The following ABCC8 variants were observed in gnomAD, a reference collection of about 807,000 sequenced individuals.
ABCC8 encodes the protein ATP binding cassette subfamily C member 8.
In ABCC8, 137 loss-of-function variants were observed where a neutral mutation model predicts 188.0. The observed-to-expected ratio is 0.73, with a 90% CI of 0.63 to 0.84. The LOEUF (loss-of-function observed/expected upper bound fraction) is 0.84, where lower values mean the gene tolerates loss of function less well. Among genes scored for constraint, ABCC8 ranks in the 40% least tolerant of loss-of-function variants. The probability of loss-of-function intolerance (pLI) is 0.00; values close to 1 mark genes in which losing one functional copy is unlikely to be tolerated. For missense variants in ABCC8, 1,750 were observed against 2,072.7 expected, an observed-to-expected ratio of 0.84 and a Z score of 3.02; for synonymous variants, 797 against 846.5, an observed-to-expected ratio of 0.94 and a Z score of 1.01.
chr11:17,404,875 C>T lies in ABCC8; in HGVS notation c.3400-206G>A, dbSNP rs1954439773. 3.1e-6 allele frequency: 1 copy of T among 324,674 alleles called. No individual in the cohort carries two copies. Among genetic ancestry groups the T allele is most frequent in the Non-Finnish European group, 4.4e-6 (1 of 225,968 alleles). The allele number at this position is 324,674 out of a possible 1,614,324, so 20.1% of individuals were successfully genotyped here. A position where few individuals can be genotyped will look rare whatever the true frequency, so the allele number is the denominator to read the frequency against. On this transcript the variant is annotated intron_variant, in intron 27 of 38. Coordinates refer to ENST00000389817, the MANE Select transcript of ABCC8 (RefSeq NM_000352.6). The surrounding 1 kb of genome is among the most constrained non-coding windows in gnomAD (Gnocchi z 4.7). ...CCCTTGGGTTCAAATGATTCTCCTG[C>T]CTCAGCTTCCCAAGTAGTTGGGATT...
At chr11:17,456,247 G>A (rs565331052) in intron 6 of ABCC8, among the ~76,000 whole-genome samples, 8 of 152,264 alleles carry the variant, frequency 5.3e-5, no homozygotes, top group South Asian at 2.1e-4. Context: ...GCTCAATACC[G>A]ATTTTTTAAA....
chr11:17,458,168 C>T (rs1223302775), intron 6 of ABCC8, among the ~76,000 whole-genome samples: 1 of 152,156 alleles, frequency 6.6e-6, no homozygotes, highest in Non-Finnish European at 1.5e-5. Flanking sequence ...ACTCTTGTTT[C>T]TGTGTCGGAA....
intron 16 of ABCC8, among the ~76,000 whole-genome samples, chr11:17,422,505 C>T (rs1031969583): frequency 2.0e-5 from 3 of 152,162 alleles, no homozygotes; most frequent in Non-Finnish European, 4.4e-5. Context: ...CAAGAGGCTG[C>T]CATTAGAATG....
At chr11:17,440,397 A>G (rs1441337953) in intron 10 of ABCC8, among the ~76,000 whole-genome samples, 1 of 152,140 alleles carries the variant, frequency 6.6e-6, no homozygotes, top group African/African-American at 2.4e-5. Flanking sequence ...ACTGACAGAG[A>G]GAAGGTTGAA....
chr11:17,435,834 A>G, intron 10 of ABCC8: 1 of 1,247,180 alleles, frequency 8.0e-7, no homozygotes, highest in South Asian at 1.2e-5. Flanking sequence ...GTGCAAACTT[A>G]GCTGTGTGGA....
At chr11:17,412,983 C>G in intron 20 of ABCC8, 2 of 808,510 alleles carry the variant, frequency 2.5e-6, no homozygotes, top group Non-Finnish European at 3.8e-6. Flanking sequence ...ACCATCTGAC[C>G]AGTACAAACA....
intron 17 of ABCC8, 68 bp from the exon 18 acceptor site, chr11:17,415,407 G>T: frequency 6.3e-7 from 1 of 1,575,812 alleles, no homozygotes. Context: ...GGAAGATCCT[G>T]AGCTCCCTCC....
chr11:17,425,426 A>G (rs1362255372), intron 16 of ABCC8, among the ~76,000 whole-genome samples: 1 of 152,166 alleles, frequency 6.6e-6, no homozygotes, highest in Admixed American at 6.5e-5. Context: ...GCTTATGAAA[A>G]ACCTGACACC....
chr11:17,413,087 A>T, intron 20 of ABCC8: 1 of 595,298 alleles, frequency 1.7e-6, no homozygotes, highest in South Asian at 2.0e-5. Context: ...CCCCATCTGG[A>T]GGATGAACAG....
At chr11:17,445,636 C>T (rs1354209507) in intron 8 of ABCC8, among the ~76,000 whole-genome samples, 1 of 152,234 alleles carries the variant, frequency 6.6e-6, no homozygotes, top group Non-Finnish European at 1.5e-5. Context: ...AGTTTCTTTG[C>T]CATGGGGCTG....
At chr11:17,433,915 A>G (rs1431165771) in intron 10 of ABCC8, among the ~76,000 whole-genome samples, 1 of 152,168 alleles carries the variant, frequency 6.6e-6, no homozygotes, top group Admixed American at 6.5e-5. Flanking sequence ...GCCCACTACC[A>G]TGCCACAGCC....
chr11:17,400,721 C>G (rs895342463), intron 29 of ABCC8, among the ~76,000 whole-genome samples: 1 of 152,194 alleles, frequency 6.6e-6, no homozygotes, highest in African/African-American at 2.4e-5. Flanking sequence ...CGCCAGCCCC[C>G]GCAGTCTGTG....
chr11:17,414,774 G>A (rs1564905986), intron 18 of ABCC8, 164 bp from the exon 19 acceptor site: 1 of 904,392 alleles, frequency 1.1e-6, no homozygotes, highest in Non-Finnish European at 1.3e-6. Context: ...CCTTCCCCCA[G>A]GCAGGTTTGA....
In ABCC8 at chr11:17,434,207, A is replaced by C. The variant is rs531952364; in HGVS notation, c.1631-1963T>G. On this transcript the variant is annotated intron_variant, in intron 10 of 38. Coordinates refer to ENST00000389817, the MANE Select transcript of ABCC8 (RefSeq NM_000352.6). ...CCTGGCCCATCCCCATAAATAACCAATAAGGAGGGGTCCTGTGCACCCATC... is the reference window on the plus strand; with the variant it reads ...CCTGGCCCATCCCCATAAATAACCACTAAGGAGGGGTCCTGTGCACCCATC... 2.0e-4 allele frequency among the ~76,000 whole-genome samples: 30 copies of C among 152,252 alleles called. 1 individual carries two copies. In the East Asian group the frequency reaches 5.8e-3, roughly 29 times the overall value.
At chr11:17,429,398 C>G (rs528644561) in intron 12 of ABCC8, 2 of 152,278 alleles carry the variant, frequency 1.3e-5, no homozygotes, top group East Asian at 1.9e-4. Context: ...CCTTTCTGTG[C>G]GCCACCCCTA....
chr11:17,415,217 G>A, intron 18 of ABCC8, 87 bp downstream of exon 18: 1 of 1,539,790 alleles, frequency 6.5e-7, no homozygotes, highest in Non-Finnish European at 8.8e-7. Flanking sequence ...TCTGGGGGCT[G>A]CCCAGCAGGG....
At chr11:17,466,783 A>T (rs995541594) in intron 3 of ABCC8, among the ~76,000 whole-genome samples, 12 of 151,446 alleles carry the variant, frequency 7.9e-5, no homozygotes, top group Non-Finnish European at 1.5e-5. Flanking sequence ...CTCCCACCTC[A>T]GCCTCCCAAG....
chr11:17,458,300 C>T (rs1320577313), intron 6 of ABCC8, among the ~76,000 whole-genome samples: 2 of 152,184 alleles, frequency 1.3e-5, no homozygotes, highest in South Asian at 2.1e-4. Flanking sequence ...AAGAGCATTC[C>T]AATGAGACGG....
intron 10 of ABCC8, 35 bp downstream of exon 10, chr11:17,442,685 C>T: frequency 6.2e-7 from 1 of 1,605,654 alleles, no homozygotes; most frequent in Non-Finnish European, 8.5e-7. Flanking sequence ...ATGTACGCAG[C>T]AGCACCCAGG....
Sources: allele counts gnomAD v4.1 joint callset (sites outside exome capture counted in the v4.1 genomes callset), GRCh38; gene constraint gnomAD v4.1.1; non-coding constraint Gnocchi (gnomAD v3.1); transcripts MANE v1.5; gene names NCBI Gene and HGNC (gene_info 2026-07-23, HGNC 2026-07-21).